Variants in CTXN2 observed in about 807,000 individuals in gnomAD.
CTXN2 encodes the protein cortexin 2, also known as cortexin-2.
Under a neutral mutation model 5.7 loss-of-function variants are expected in CTXN2, and 3 were observed. The ratio of observed to expected loss-of-function variants is 0.53; its 90% CI spans 0.24 to 1.36. The LOEUF is 1.36. Ranked by LOEUF, CTXN2 falls within the 40% of genes most tolerant of loss-of-function variation. CTXN2 has a pLI of 0.17. For missense variants in CTXN2, 87 were observed against 93.0 expected (o/e 0.94, Z 0.26); for synonymous variants, 38 against 36.4 (o/e 1.04, Z -0.16).
At chr15:48,191,403 GAA>G (rs926600826), upstream of CTXN2, 2 of 213,572 alleles carry the variant, frequency 9.4e-6, no homozygotes, top group East Asian at 2.3e-4. Context: ...TGTGTCGTGA[GAA>G]AAAAAAGGAG....
chr15:48,197,335 G>A (rs948130822), intron 1 of CTXN2, among the ~76,000 whole-genome samples: 1 of 152,026 alleles, frequency 6.6e-6, no homozygotes, highest in Middle Eastern at 3.2e-3. Context: ...CTAAAGGAGT[G>A]CTGCTTATCC....
At chr15:48,195,708 T>G (rs1172921039) in intron 1 of CTXN2, among the ~76,000 whole-genome samples, 1 of 152,170 alleles carries the variant, frequency 6.6e-6, no homozygotes. Context: ...GATATCTTGA[T>G]TTCATCTAAA....
chr15:48,194,678 G>A (rs769597614), intron 1 of CTXN2, among the ~76,000 whole-genome samples: 9 of 152,074 alleles, frequency 5.9e-5, no homozygotes, highest in Non-Finnish European at 1.2e-4. Context: ...TTGTAGGAGA[G>A]GCATTCCTTG....
intron 1 of CTXN2, among the ~76,000 whole-genome samples, chr15:48,183,516 A>G (rs903669321): frequency 6.6e-6 from 1 of 152,206 alleles, no homozygotes; most frequent in Non-Finnish European, 1.5e-5. Flanking sequence ...TTTACTTACA[A>G]TTGTCAGAGG....
intron 1 of CTXN2, among the ~76,000 whole-genome samples, chr15:48,184,679 C>T (rs1373634918): frequency 2.0e-5 from 3 of 152,126 alleles, no homozygotes; most frequent in African/African-American, 7.2e-5. Flanking sequence ...AACAGGAACT[C>T]TCATTAATTA....
At chr15:48,200,151 TAC>T (rs1412353552) in intron 1 of CTXN2, among the ~76,000 whole-genome samples, 1 of 152,130 alleles carries the variant, frequency 6.6e-6, no homozygotes, top group African/African-American at 2.4e-5. Flanking sequence ...GTAATTTTAA[TAC>T]ATATAAGTCT....
chr15:48,192,807 T>C (rs2040836742), intron 1 of CTXN2, among the ~76,000 whole-genome samples: 1 of 152,216 alleles, frequency 6.6e-6, no homozygotes, highest in South Asian at 2.1e-4. Context: ...AAAAACCTGT[T>C]GATTAAAATA....
At chr15:48,199,513 C>T (rs1264187015) in intron 1 of CTXN2, among the ~76,000 whole-genome samples, 2 of 152,114 alleles carry the variant, frequency 1.3e-5, no homozygotes, top group African/African-American at 4.8e-5. Context: ...CTCCTTGGTC[C>T]AACATCTCTA....
At position 48,202,167 on chromosome 15, in the gene CTXN2, C is replaced by G. The variant is rs1380902980; in HGVS notation, c.*621C>G. ...GCAGTAAAATCCCATAGCTTGGAAT[C>G]CAAACCAGATCTGCCTCATACTGAT... On this transcript the variant is annotated 3_prime_UTR_variant, in exon 2 of 2. Coordinates refer to ENST00000417307, the MANE Select transcript of CTXN2 (RefSeq NM_001145668.2). The G allele has an allele frequency of 5.9e-6, 1 of 168,296 alleles. No individual in the cohort carries two copies. Among genetic ancestry groups the G allele is most frequent in the Non-Finnish European group, 1.4e-5 (1 of 69,124 alleles). The allele number at this position is 168,296 out of a possible 1,614,324, so 10.4% of individuals were successfully genotyped here. A position where few individuals can be genotyped will look rare whatever the true frequency, so the allele number is the denominator to read the frequency against.
chr15:48,193,715 A>G (rs1400105502), intron 1 of CTXN2, among the ~76,000 whole-genome samples: 1 of 152,106 alleles, frequency 6.6e-6, no homozygotes, highest in Non-Finnish European at 1.5e-5. Flanking sequence ...AATCAGTTTT[A>G]TAACTGGGGA....
At position 48,191,696 on chromosome 15, in the gene CTXN2, C is replaced by T. The variant is rs777132060; in HGVS notation, c.-215C>T. 8.8e-6 allele frequency: 4 copies of T among 456,020 alleles called. No homozygotes were observed. Among genetic ancestry groups the T allele is most frequent in the East Asian group, 6.9e-5 (1 of 14,396 alleles). 28.2% of individuals were successfully genotyped at this position (456,020 alleles called of 1,614,324 possible). The stretch of plus-strand genomic sequence containing the variant: ...CCAACAGACACAGACATTTACACTT[C>T]TAGGCCAGGAAAGCGCTAACCAGGG... On this transcript the variant is annotated 5_prime_UTR_variant, in exon 1 of 2. Coordinates refer to ENST00000417307, the MANE Select transcript of CTXN2 (RefSeq NM_001145668.2).
chr15:48,186,676 G>A (rs545659730), upstream of CTXN2, among the ~76,000 whole-genome samples: 228 of 152,114 alleles, frequency 1.5e-3, 1 homozygote, highest in Non-Finnish European at 2.8e-3. Flanking sequence ...CAAGGCAGGC[G>A]GATCATGAGG....
intron 1 of CTXN2, among the ~76,000 whole-genome samples, chr15:48,181,322 A>G (rs1390549755): frequency 6.6e-6 from 1 of 152,194 alleles, no homozygotes; most frequent in Non-Finnish European, 1.5e-5. Context: ...AGGTTGCCCT[A>G]TGACCCAAGA....
chr15:48,184,943 A>G (rs2040734094), intron 1 of CTXN2, among the ~76,000 whole-genome samples: 1 of 152,320 alleles, frequency 6.6e-6, no homozygotes, highest in South Asian at 2.1e-4. Flanking sequence ...GCATATCCAT[A>G]CAATGAAATA....
chr15:48,180,950 T>C (rs2040697077), intron 1 of CTXN2, among the ~76,000 whole-genome samples: 1 of 152,256 alleles, frequency 6.6e-6, no homozygotes, highest in African/African-American at 2.4e-5. Flanking sequence ...AATATATTAC[T>C]GGTACAACTT....
At chr15:48,191,410 A>G (rs2040820649), upstream of CTXN2, 1 of 214,998 alleles carries the variant, frequency 4.7e-6, no homozygotes, top group African/African-American at 2.3e-5. Context: ...TGAGAAAAAA[A>G]AGGAGTGTCT....
At chr15:48,182,828 C>A (rs1354255274) in intron 1 of CTXN2, among the ~76,000 whole-genome samples, 1 of 152,154 alleles carries the variant, frequency 6.6e-6, no homozygotes, top group Non-Finnish European at 1.5e-5. Flanking sequence ...GGTCCAGGAG[C>A]TATTGCTAGA....
chr15:48,198,190 G>C (rs2040896923), intron 1 of CTXN2, among the ~76,000 whole-genome samples: 1 of 151,976 alleles, frequency 6.6e-6, no homozygotes, highest in Non-Finnish European at 1.5e-5. Context: ...TGATAGAAAA[G>C]AACAAAAACA....
At chr15:48,179,679 C>A (rs893007840) in intron 1 of CTXN2, among the ~76,000 whole-genome samples, 9 of 152,118 alleles carry the variant, frequency 5.9e-5, no homozygotes, top group Non-Finnish European at 2.9e-5. Context: ...ACCGACCTTA[C>A]AGGATTGAGG....
Sources: allele counts gnomAD v4.1 joint callset (sites outside exome capture counted in the v4.1 genomes callset), GRCh38; gene constraint gnomAD v4.1.1; transcripts MANE v1.5; gene names NCBI Gene and HGNC (gene_info 2026-07-23, HGNC 2026-07-21).